Variants in PUDP observed in about 807,000 individuals in gnomAD.
The protein encoded by PUDP is pseudouridine 5'-phosphatase, also known as pseudouridine-5'-phosphatase.
PUDP carries 8 observed loss-of-function variants against 9.4 expected under a neutral mutation model. The ratio of observed to expected loss-of-function variants is 0.85; its 90% CI spans 0.50 to 1.53. The LOEUF (loss-of-function observed/expected upper bound fraction) is 1.53, where lower values mean the gene tolerates loss of function less well. Among genes scored for constraint, PUDP ranks in the 40% most tolerant of loss-of-function variants. PUDP has a pLI of 0.00. For synonymous variants in PUDP, 99 were observed against 80.7 expected (o/e 1.23, Z -1.22); for missense variants, 188 against 189.7 (o/e 0.99, Z 0.05).
chrX:6,750,065 C>G (rs1296762474), intron 3 of PUDP, among the ~76,000 whole-genome samples: 1 of 111,955 alleles, frequency 8.9e-6, no homozygotes, highest in Non-Finnish European at 1.9e-5. Context: ...ATGGATGGTA[C>G]ACACTCGTTG....
intron 2 of PUDP, among the ~76,000 whole-genome samples, chrX:7,100,738 T>C (rs969444434): frequency 1.8e-5 from 2 of 111,497 alleles, no homozygotes; most frequent in Non-Finnish European, 3.8e-5. Flanking sequence ...GGAAACTAGG[T>C]CTCCAAGAAT....
At chrX:6,883,918 G>A (rs1031744207) in intron 3 of PUDP, among the ~76,000 whole-genome samples, 2 of 111,469 alleles carry the variant, frequency 1.8e-5, no homozygotes, top group Non-Finnish European at 3.8e-5. Context: ...TCGGCTCGCT[G>A]CAAGCTCCGT....
intron 3 of PUDP, among the ~76,000 whole-genome samples, chrX:7,053,810 A>G (rs576699484): frequency 3.4e-4 from 38 of 111,745 alleles, no homozygotes; most frequent in Non-Finnish European, 7.0e-4. Flanking sequence ...TTTAAAGGCA[A>G]CTAAGTGAGG....
intron 1 of PUDP, among the ~76,000 whole-genome samples, chrX:7,016,835 G>C (rs746185009): frequency 1.8e-5 from 2 of 110,967 alleles, no homozygotes; most frequent in Admixed American, 9.6e-5. Context: ...GTGGTGTTTG[G>C]CTGGCCACAA....
At chrX:7,000,908 A>G (rs1023298765) in intron 1 of PUDP, among the ~76,000 whole-genome samples, 2 of 108,268 alleles carry the variant, frequency 1.8e-5, no homozygotes, top group Non-Finnish European at 3.8e-5. Flanking sequence ...TACATATAAT[A>G]TAATATTAAA....
chrX:6,744,846 T>C (rs1924980959), intron 3 of PUDP, among the ~76,000 whole-genome samples: 1 of 111,809 alleles, frequency 8.9e-6, no homozygotes, highest in Non-Finnish European at 1.9e-5. Flanking sequence ...TTTTAAAACC[T>C]AGATAGATGG....
chrX:6,814,683 G>A (rs1436267580), intron 3 of PUDP, among the ~76,000 whole-genome samples: 4 of 111,638 alleles, frequency 3.6e-5, no homozygotes, highest in East Asian at 2.8e-4. Context: ...GAGATCTGAC[G>A]TTTAATTCTG....
chrX:6,773,377 T>C (rs539439440), intron 3 of PUDP, among the ~76,000 whole-genome samples: 1 of 112,106 alleles, frequency 8.9e-6, no homozygotes, highest in South Asian at 3.7e-4. Flanking sequence ...CCTTAAAGTT[T>C]CACCAAATTC....
At chrX:6,783,842 A>G (rs1925603891) in intron 3 of PUDP, among the ~76,000 whole-genome samples, 1 of 111,878 alleles carries the variant, frequency 8.9e-6, no homozygotes, top group African/African-American at 3.2e-5. Context: ...GAAGAAGCAG[A>G]AAAGCCAATA....
chrX:7,026,183 G>C (rs1929707170), intron 1 of PUDP, among the ~76,000 whole-genome samples: 1 of 112,008 alleles, frequency 8.9e-6, no homozygotes, highest in Non-Finnish European at 1.9e-5. Context: ...CCTGCCCAAG[G>C]CTTCACTATC....
At chrX:6,886,667 A>G (rs1272260903) in intron 3 of PUDP, among the ~76,000 whole-genome samples, 2 of 111,355 alleles carry the variant, frequency 1.8e-5, no homozygotes, top group African/African-American at 3.3e-5. Context: ...AGATAGAGAG[A>G]GCAGCTGCCC....
intron 1 of PUDP, among the ~76,000 whole-genome samples, chrX:6,988,752 TG>T: frequency 9.0e-6 from 1 of 111,310 alleles, no homozygotes; most frequent in Admixed American, 9.5e-5. Context: ...CCAATAAAAC[TG>T]TTTAATCCTA....
intron 3 of PUDP, among the ~76,000 whole-genome samples, chrX:6,731,354 T>G (rs1055566640): frequency 3.6e-5 from 4 of 111,931 alleles, no homozygotes; most frequent in Non-Finnish European, 5.6e-5. Context: ...ATTACAGTCA[T>G]GAGCCACTGC....
chrX:6,899,324 C>T (rs1489658667), intron 3 of PUDP, among the ~76,000 whole-genome samples: 1 of 112,871 alleles, frequency 8.9e-6, no homozygotes, highest in Non-Finnish European at 1.9e-5. Flanking sequence ...TGGCTTACGC[C>T]TGTCATCCCA....
intron 3 of PUDP, among the ~76,000 whole-genome samples, chrX:6,936,059 G>A (rs1486799607): frequency 9.0e-6 from 1 of 110,842 alleles, no homozygotes; most frequent in Non-Finnish European, 1.9e-5. Flanking sequence ...AGAGGTACAA[G>A]GAGGAACTGA....
intron 3 of PUDP, among the ~76,000 whole-genome samples, chrX:6,753,111 A>G (rs115749135): frequency 0.022 from 2,383 of 110,519 alleles, 64 homozygotes; most frequent in African/African-American, 0.074. Context: ...GTGGTCTTTC[A>G]TCTCTCACAC....
chrX:7,073,150 G>A (rs1000086476), intron 3 of PUDP, among the ~76,000 whole-genome samples: 18 of 111,836 alleles, frequency 1.6e-4, no homozygotes, highest in African/African-American at 5.2e-4. Context: ...CTCGATGGGT[G>A]CTCATTATCC....
chrX:6,733,214 G>T (rs1253171267), intron 3 of PUDP, among the ~76,000 whole-genome samples: 2 of 111,848 alleles, frequency 1.8e-5, no homozygotes, highest in East Asian at 5.6e-4. Context: ...GGCTTTTAAG[G>T]GAGACGGTAT....
chrX:6,900,209 C>T (rs1469734379), intron 3 of PUDP, among the ~76,000 whole-genome samples: 1 of 110,263 alleles, frequency 9.1e-6, no homozygotes, highest in Non-Finnish European at 1.9e-5. Context: ...GCAAGATTCT[C>T]TCTCTAAAAA....
Sources: gnomAD v4.1 joint callset for allele counts (sites outside exome capture counted in the v4.1 genomes callset) on GRCh38, gnomAD v4.1.1 for gene constraint, MANE v1.5 for transcripts, NCBI Gene and HGNC (gene_info 2026-07-23, HGNC 2026-07-21) for gene names.